The following SGCD variants were observed in gnomAD, a reference collection of about 807,000 sequenced individuals.
SGCD encodes delta-sarcoglycan.
Under a neutral mutation model 36.6 loss-of-function variants are expected in SGCD, and 18 were observed. The ratio of observed to expected loss-of-function variants is 0.49; its 90% CI spans 0.34 to 0.73. The LOEUF is 0.73. Ranked by LOEUF, SGCD falls within the 30% of genes least tolerant of loss-of-function variation. SGCD has a pLI of 0.01. For synonymous variants in SGCD, 133 were observed against 130.6 expected, an observed-to-expected ratio of 1.02 and a Z score of -0.12; for missense variants, 387 against 346.7, an observed-to-expected ratio of 1.12 and a Z score of -0.92.
chr5:156,383,811 G>A (rs756228149), intron 3 of SGCD, among the ~76,000 whole-genome samples: 11 of 152,088 alleles, frequency 7.2e-5, no homozygotes, highest in East Asian at 3.9e-4. Flanking sequence ...GGAACAGATC[G>A]TATCTTCTTT....
intron 1 of SGCD, among the ~76,000 whole-genome samples, chr5:156,089,909 C>T (rs1761198206): frequency 6.6e-6 from 1 of 152,082 alleles, no homozygotes; most frequent in African/African-American, 2.4e-5. Flanking sequence ...ATTCCATAGG[C>T]ATCAGTTTTC....
At chr5:156,234,385 T>C (rs533240128) in intron 3 of SGCD, among the ~76,000 whole-genome samples, 28 of 152,328 alleles carry the variant, frequency 1.8e-4, no homozygotes, top group Middle Eastern at 6.8e-3. Context: ...AATATAAATT[T>C]TAACCCAGAA....
intron 3 of SGCD, among the ~76,000 whole-genome samples, chr5:156,208,138 C>G (rs939745317): frequency 2.6e-5 from 4 of 152,034 alleles, no homozygotes; most frequent in African/African-American, 9.7e-5. Context: ...TATTTATAAT[C>G]AGTGGAATTA....
At chr5:155,894,794 C>G (rs1367420162) in intron 1 of SGCD, among the ~76,000 whole-genome samples, 1 of 152,160 alleles carries the variant, frequency 6.6e-6, no homozygotes, top group East Asian at 1.9e-4. Context: ...AAAACAAGCT[C>G]AGGGCACCCA....
chr5:156,041,897 A>G (rs1457302656), intron 1 of SGCD, among the ~76,000 whole-genome samples: 1 of 152,204 alleles, frequency 6.6e-6, no homozygotes, highest in Non-Finnish European at 1.5e-5. Flanking sequence ...GCCTTGAAGT[A>G]TGATGGAATT....
the SGCD span, among the ~76,000 whole-genome samples, chr5:155,759,990 C>G: frequency 6.6e-6 from 1 of 151,250 alleles, no homozygotes; most frequent in Non-Finnish European, 1.5e-5. Context: ...CTTCCAGGAA[C>G]AGATCCACAA....
In SGCD at chr5:156,133,914, A is replaced by AACACACACAC. The variant is rs70981997; in HGVS notation, c.-44+9933_-44+9942dup. Among the ~76,000 whole-genome samples the AACACACACAC allele has an allele frequency of 2.1e-3, 294 of 140,416 alleles. 3 individuals carry two copies. Among genetic ancestry groups the AACACACACAC allele is most frequent in the African/African-American group, 5.7e-3 (209 of 36,824 alleles). The allele number at this position is 140,416 out of a possible 152,430, so 92.1% of individuals were successfully genotyped here. A position where few individuals can be genotyped will look rare whatever the true frequency, so the allele number is the denominator to read the frequency against. On this transcript the variant is annotated intron_variant, in intron 3 of 9. Transcript: ENST00000517913. ...ATTTAGGTCTTATTTGCCGGGTTAA[A>AACACACACAC]ACACACACACACACACACACACACA...
In SGCD at chr5:156,626,124, C is replaced by T. The variant is rs116233326; in HGVS notation, c.503-21340C>T. ...ATCCTACAGTGCACAAGACAGCCCCCTACAACAAAGAATGATCTGGCCCTA... is the reference window on the plus strand; with the variant it reads ...ATCCTACAGTGCACAAGACAGCCCCTTACAACAAAGAATGATCTGGCCCTA... On this transcript the variant is annotated intron_variant, in intron 6 of 8. Coordinates refer to ENST00000337851, the MANE Select transcript of SGCD (RefSeq NM_000337.6). 9.2e-3 allele frequency among the ~76,000 whole-genome samples: 1,408 copies of T among 152,264 alleles called. 7 individuals are homozygous for T. The highest frequency in any genetic ancestry group is 0.017 in the Middle Eastern group (5 of 294).
At chr5:156,295,463 G>T (rs1227473712) in intron 3 of SGCD, among the ~76,000 whole-genome samples, 1 of 151,550 alleles carries the variant, frequency 6.6e-6, no homozygotes, top group Non-Finnish European at 1.5e-5. Flanking sequence ...TTTTTTCTTT[G>T]CTCTAATTTT....
At chr5:155,755,418 C>G in the SGCD span, among the ~76,000 whole-genome samples, 1 of 152,326 alleles carries the variant, frequency 6.6e-6, no homozygotes, top group African/African-American at 2.4e-5. Flanking sequence ...TCAGACCTCT[C>G]AAATCCAACA....
chr5:156,264,906 C>A (rs968586575), intron 3 of SGCD, among the ~76,000 whole-genome samples: 6 of 152,136 alleles, frequency 3.9e-5, no homozygotes, highest in African/African-American at 1.4e-4. Flanking sequence ...GGAGTGAATT[C>A]TTCATTCCAA....
intron 7 of SGCD, among the ~76,000 whole-genome samples, chr5:156,652,431 G>C (rs148605390): frequency 1.5e-3 from 234 of 152,260 alleles, no homozygotes; most frequent in African/African-American, 5.4e-3. Flanking sequence ...TGAGGTTGCA[G>C]TTAGCTGTGA....
At chr5:155,937,780 T>G (rs959948688) in intron 1 of SGCD, among the ~76,000 whole-genome samples, 2 of 152,188 alleles carry the variant, frequency 1.3e-5, no homozygotes, top group African/African-American at 4.8e-5. Flanking sequence ...GTGGACACTG[T>G]GCAATGTGTT....
intron 3 of SGCD, among the ~76,000 whole-genome samples, chr5:156,230,450 C>A (rs1201982100): frequency 6.6e-6 from 1 of 152,174 alleles, no homozygotes; most frequent in East Asian, 1.9e-4. Context: ...TGTTATCTCT[C>A]TTCTGGATCT....
chr5:156,586,119 C>G (rs1441698714), intron 4 of SGCD, among the ~76,000 whole-genome samples: 1 of 151,638 alleles, frequency 6.6e-6, no homozygotes, highest in Non-Finnish European at 1.5e-5. Flanking sequence ...TCCCGGAAAC[C>G]ACCTTATGTA....
At chr5:156,605,707 C>T (rs1296295436) in intron 6 of SGCD, among the ~76,000 whole-genome samples, 1 of 152,318 alleles carries the variant, frequency 6.6e-6, no homozygotes, top group South Asian at 2.1e-4. Context: ...CTCTCCAGCA[C>T]TTGTTGTTTC....
At chr5:156,040,395 G>A (rs985133823) in intron 1 of SGCD, among the ~76,000 whole-genome samples, 18 of 152,162 alleles carry the variant, frequency 1.2e-4, no homozygotes, top group Admixed American at 1.2e-3. Flanking sequence ...CACAAATTGT[G>A]TAAGCTTCTA....
At chr5:156,370,311 C>T (rs1284381831) in intron 3 of SGCD, among the ~76,000 whole-genome samples, 1 of 152,148 alleles carries the variant, frequency 6.6e-6, no homozygotes, top group East Asian at 1.9e-4. Context: ...ACAGGCGATA[C>T]ATGTTGCTGT....
chr5:156,203,020 ACT>A (rs1372636622), intron 3 of SGCD, among the ~76,000 whole-genome samples: 1 of 152,006 alleles, frequency 6.6e-6, no homozygotes, highest in Non-Finnish European at 1.5e-5. Flanking sequence ...ATGCCTTGAG[ACT>A]CTGTCAGATT....
Sources: gnomAD v4.1 joint callset for allele counts (sites outside exome capture counted in the v4.1 genomes callset) on GRCh38, gnomAD v4.1.1 for gene constraint, MANE v1.5 for transcripts, NCBI Gene and HGNC (gene_info 2026-07-23, HGNC 2026-07-21) for gene names.